Variants in RBFOX1 observed in about 807,000 individuals in gnomAD.
RBFOX1 encodes the protein RNA binding protein fox-1 homolog 1.
RBFOX1 carries 8 observed loss-of-function variants against 57.7 expected under a neutral mutation model. That is an observed-to-expected ratio of 0.14 (90% CI 0.08 to 0.25). The LOEUF is 0.25. Among genes scored for constraint, RBFOX1 ranks in the 10% least tolerant of loss-of-function variants. The pLI, the probability that RBFOX1 is intolerant of heterozygous loss-of-function variation, is 1.00. For missense variants in RBFOX1, 611 were observed against 548.5 expected, an observed-to-expected ratio of 1.11 and a Z score of -1.14; for synonymous variants, 326 against 222.4, an observed-to-expected ratio of 1.47 and a Z score of -4.15.
chr16:7,050,230 C>G (rs1196047850), intron 3 of RBFOX1, among the ~76,000 whole-genome samples: 1 of 147,844 alleles, frequency 6.8e-6, no homozygotes, highest in African/African-American at 2.5e-5. Flanking sequence ...CAGTCTTTTC[C>G]TCTTTAGCTT....
intron 4 of RBFOX1, among the ~76,000 whole-genome samples, chr16:7,112,770 T>C (rs1479061297): frequency 6.6e-6 from 1 of 151,722 alleles, no homozygotes; most frequent in Non-Finnish European, 1.5e-5. Context: ...GGTTTGAGCT[T>C]CATTTCTGCA....
At chr16:6,958,395 T>C (rs567607004) in intron 3 of RBFOX1, among the ~76,000 whole-genome samples, 1 of 151,954 alleles carries the variant, frequency 6.6e-6, no homozygotes, top group Non-Finnish European at 1.5e-5. Flanking sequence ...TCAGCATATT[T>C]CCCCCCCTTT....
At chr16:6,955,828 C>G (rs1416186391) in intron 3 of RBFOX1, among the ~76,000 whole-genome samples, 4 of 152,056 alleles carry the variant, frequency 2.6e-5, no homozygotes, top group African/African-American at 9.7e-5. Context: ...GCCTCAGCCT[C>G]CTGAGTTGCT....
At chr16:6,764,642 G>C (rs950892574) in intron 3 of RBFOX1, among the ~76,000 whole-genome samples, 2 of 152,116 alleles carry the variant, frequency 1.3e-5, no homozygotes, top group East Asian at 1.9e-4. Flanking sequence ...TAATTATTAA[G>C]AGTAAATGCA....
intron 4 of RBFOX1, among the ~76,000 whole-genome samples, chr16:7,364,243 T>G (rs1455316162): frequency 6.6e-6 from 1 of 152,154 alleles, no homozygotes; most frequent in East Asian, 1.9e-4. Context: ...TCCCATCTTC[T>G]AAGCACTTGG....
intron 4 of RBFOX1, among the ~76,000 whole-genome samples, chr16:7,179,070 G>A (rs2178715): frequency 0.58 from 88,436 of 151,878 alleles, 26,305 homozygotes; most frequent in African/African-American, 0.71. Flanking sequence ...TTAATCTGAT[G>A]CATAATTAAT....
chr16:5,319,598 C>A (rs1340841821), intron 1 of RBFOX1, among the ~76,000 whole-genome samples: 1 of 152,190 alleles, frequency 6.6e-6, no homozygotes, highest in African/African-American at 2.4e-5. Flanking sequence ...TGGACCTTGT[C>A]TTGGATGGGT....
intron 3 of RBFOX1, among the ~76,000 whole-genome samples, chr16:6,667,741 T>A (rs1363010384): frequency 6.6e-6 from 1 of 152,002 alleles, no homozygotes; most frequent in African/African-American, 2.4e-5. Context: ...TATAGCCACA[T>A]AGTTAGGCAT....
At chr16:6,798,071 G>A (rs1030613597) in intron 3 of RBFOX1, among the ~76,000 whole-genome samples, 1 of 152,086 alleles carries the variant, frequency 6.6e-6, no homozygotes, top group African/African-American at 2.4e-5. Flanking sequence ...AGGCATGTTA[G>A]AAAGACTATA....
intron 4 of RBFOX1, among the ~76,000 whole-genome samples, chr16:7,200,733 C>T (rs1602814268): frequency 6.6e-6 from 1 of 152,200 alleles, no homozygotes; most frequent in East Asian, 1.9e-4. Flanking sequence ...AGAGGGATCC[C>T]CATTAAGATG....
intron 3 of RBFOX1, among the ~76,000 whole-genome samples, chr16:5,701,358 A>C (rs372542246): frequency 1.3e-5 from 2 of 152,362 alleles, no homozygotes; most frequent in Non-Finnish European, 2.9e-5. Context: ...ATGTAGAGTT[A>C]AGGGACTTCT....
chr16:5,711,047 G>C (rs957860686), intron 3 of RBFOX1, among the ~76,000 whole-genome samples: 12 of 152,108 alleles, frequency 7.9e-5, no homozygotes, highest in African/African-American at 2.4e-4. Context: ...GGACTCCCAG[G>C]GTGTTTGATC....
intron 3 of RBFOX1, among the ~76,000 whole-genome samples, chr16:6,696,274 A>G (rs2061031013): frequency 6.6e-6 from 1 of 152,210 alleles, no homozygotes. Flanking sequence ...TCATTTATTT[A>G]AACTTATCTC....
intron 3 of RBFOX1, among the ~76,000 whole-genome samples, chr16:5,789,474 T>G (rs1350017168): frequency 6.6e-6 from 1 of 152,094 alleles, no homozygotes; most frequent in Admixed American, 6.6e-5. Context: ...TGTATGGGTG[T>G]GTATGTATTT....
intron 1 of RBFOX1, among the ~76,000 whole-genome samples, chr16:6,303,868 A>G (rs1057424439): frequency 1.4e-5 from 2 of 143,044 alleles, no homozygotes; most frequent in South Asian, 2.3e-4. Flanking sequence ...CTGGAGTGCA[A>G]TGGCGCTATC....
chr16:7,112,749 C>G (rs907439827), intron 4 of RBFOX1, among the ~76,000 whole-genome samples: 1 of 150,536 alleles, frequency 6.6e-6, no homozygotes, highest in East Asian at 2.0e-4. Flanking sequence ...GACCTTGATT[C>G]ACAAGACTCA....
intron 2 of RBFOX1, among the ~76,000 whole-genome samples, chr16:6,328,450 G>T (rs545614183): frequency 2.0e-5 from 3 of 152,046 alleles, no homozygotes; most frequent in African/African-American, 7.2e-5. Context: ...TTTTAATGTT[G>T]TGCATTGTGA....
In RBFOX1 at chr16:7,709,077, C is replaced by T. The variant is rs148909710; in HGVS notation, c.1017C>T (p.Ala339=). The T allele has an allele frequency of 4.2e-5, 67 of 1,613,644 alleles. No individual in the cohort carries two copies. Among genetic ancestry groups the T allele is most frequent in the Admixed American group, 1.2e-4 (7 of 59,952 alleles). The change falls in exon 15 of 16, where the codon GCC becomes GCT. Residue 339 remains alanine, a synonymous_variant. Coordinates refer to ENST00000550418, the MANE Select transcript of RBFOX1 (RefSeq NM_018723.4). ...TCAGTTACGGACGAGTTTATGCTGC[C>T]GACCCCTACCACCACGCACTTGCTC... The part of the protein sequence containing the change: ...YSDSYGRVYA[A]DPYHHALAPA...
chr16:6,930,975 A>G (rs927074094), intron 3 of RBFOX1, among the ~76,000 whole-genome samples: 3 of 151,986 alleles, frequency 2.0e-5, no homozygotes, highest in African/African-American at 7.3e-5. Flanking sequence ...ACACACATAC[A>G]TATGTACTTA....
Sources: allele counts gnomAD v4.1 joint callset (sites outside exome capture counted in the v4.1 genomes callset), GRCh38; gene constraint gnomAD v4.1.1; transcripts MANE v1.5; gene names NCBI Gene and HGNC (gene_info 2026-07-23, HGNC 2026-07-21).